The following BCL7A variants were observed in gnomAD, a reference collection of about 807,000 sequenced individuals.
The protein encoded by BCL7A is B-cell CLL/lymphoma 7 protein family member A.
BCL7A carries 11 observed loss-of-function variants against 28.4 expected under a neutral mutation model. That is an observed-to-expected ratio of 0.39 (90% CI 0.24 to 0.64). The LOEUF (loss-of-function observed/expected upper bound fraction) is 0.64. BCL7A is among the 30% of genes least tolerant of loss of function. BCL7A has a pLI of 0.50. For missense variants in BCL7A, 222 were observed against 274.8 expected (o/e 0.81, Z 1.36); for synonymous variants, 123 against 103.3 (o/e 1.19, Z -1.15).
At chr12:122,030,917 A>G in intron 2 of BCL7A, 136 bp downstream of exon 2, 3 of 841,960 alleles carry the variant, frequency 3.6e-6, no homozygotes, top group Middle Eastern at 3.4e-4. Context: ...AAGGACCCAG[A>G]TTAGACCTGG....
intron 4 of BCL7A, among the ~76,000 whole-genome samples, chr12:122,050,975 T>C (rs969636131): frequency 6.6e-6 from 1 of 152,212 alleles, no homozygotes; most frequent in Non-Finnish European, 1.5e-5. Flanking sequence ...AGGACGGACA[T>C]GGGCTTCGTG....
intron 2 of BCL7A, among the ~76,000 whole-genome samples, chr12:122,033,407 G>A (rs1027503568): frequency 2.0e-5 from 3 of 152,018 alleles, no homozygotes; most frequent in East Asian, 1.9e-4. Context: ...TCCACCTCCC[G>A]GGTTCAAGCA....
In BCL7A at chr12:122,060,827, C is replaced by A. The variant is rs1322046968; in HGVS notation, c.*1664C>A. ...TAAGGGATCCTGTCTATTTCCTGCA[C>A]TTCGAGAAGAATCAAAATGTTCCTG... On this transcript the variant is annotated 3_prime_UTR_variant, in exon 6 of 6. Coordinates refer to ENST00000261822, the MANE Select transcript of BCL7A (RefSeq NM_001024808.3). 4.4e-6 allele frequency: 1 copy of A among 225,388 alleles called. No homozygotes were observed. The highest frequency in any genetic ancestry group is 8.8e-6 in the Non-Finnish European group (1 of 114,226). 14.0% of individuals were successfully genotyped at this position (225,388 alleles called of 1,614,324 possible).
chr12:122,035,761 A>G (rs1226526866), intron 3 of BCL7A, among the ~76,000 whole-genome samples: 2 of 152,328 alleles, frequency 1.3e-5, no homozygotes, highest in East Asian at 3.8e-4. Flanking sequence ...TCGCCCCCTC[A>G]TATAAATTAT....
At chr12:122,025,162 A>T (rs184825490) in intron 1 of BCL7A, among the ~76,000 whole-genome samples, 2 of 152,240 alleles carry the variant, frequency 1.3e-5, no homozygotes, top group African/African-American at 4.8e-5. Flanking sequence ...GGAGGAGAGA[A>T]GACCCCAGGG....
intron 3 of BCL7A, among the ~76,000 whole-genome samples, chr12:122,042,819 T>C (rs1459650272): frequency 6.6e-6 from 1 of 152,156 alleles, no homozygotes; most frequent in East Asian, 1.9e-4. Flanking sequence ...CACTGTCCCA[T>C]GATCACTTCT....
chr12:122,022,593 G>C (rs1593019370), intron 1 of BCL7A, among the ~76,000 whole-genome samples: 3 of 145,770 alleles, frequency 2.1e-5, no homozygotes, highest in East Asian at 4.0e-4. Context: ...TGCCGGCGGC[G>C]GCGGGGAGAG....
At chr12:122,023,800 G>C (rs540939719) in intron 1 of BCL7A, among the ~76,000 whole-genome samples, 2 of 152,282 alleles carry the variant, frequency 1.3e-5, no homozygotes, top group South Asian at 2.1e-4. Flanking sequence ...CTCTACTGTG[G>C]GATTCCCCGC....
chr12:122,035,490 C>A (rs933682168), intron 3 of BCL7A, 63 bp downstream of exon 3: 2 of 1,456,168 alleles, frequency 1.4e-6, no homozygotes, highest in South Asian at 2.3e-5. Context: ...AGCACTCGGT[C>A]ATGTTTTTGT....
At position 122,021,920 on chromosome 12, in the gene BCL7A, G is replaced by GTGTA; in HGVS notation, c.-169_-168insATGT. On this transcript the variant is annotated 5_prime_UTR_variant, in exon 1 of 6. It adds an upstream start codon to the 5' untranslated region. Coordinates refer to ENST00000261822, the MANE Select transcript of BCL7A (RefSeq NM_001024808.3). The stretch of plus-strand genomic sequence containing the variant: ...GGCGCGCGGCGGCCCCGGGCTTTGT[G>GTGTA]TGTGTGTGTATGTGTGTGTGTGTGT... The GTGTA allele has an allele frequency of 2.5e-6, 1 of 407,544 alleles. No homozygotes were observed. Among genetic ancestry groups the GTGTA allele is most frequent in the Non-Finnish European group, 4.4e-6 (1 of 229,306 alleles). 25.2% of individuals were successfully genotyped at this position (407,544 alleles called of 1,614,324 possible). A position where few individuals can be genotyped will look rare whatever the true frequency, so the allele number is the denominator to read the frequency against.
intron 3 of BCL7A, among the ~76,000 whole-genome samples, chr12:122,036,628 T>C (rs1883861818): frequency 6.8e-6 from 1 of 147,476 alleles, no homozygotes; most frequent in Non-Finnish European, 1.5e-5. Context: ...CGTTCCGAGC[T>C]AGTCCCCAGT....
chr12:122,024,572 C>G (rs997943229), intron 1 of BCL7A, among the ~76,000 whole-genome samples: 6 of 150,462 alleles, frequency 4.0e-5, no homozygotes, highest in African/African-American at 1.2e-4. Flanking sequence ...CGGATTGGGT[C>G]TTAGACTCAG....
intron 2 of BCL7A, among the ~76,000 whole-genome samples, chr12:122,034,422 T>C (rs1883808341): frequency 1.1e-5 from 1 of 94,394 alleles, no homozygotes; most frequent in Non-Finnish European, 2.5e-5. Flanking sequence ...ATGATTCCTT[T>C]CGTAAAAAAA....
rs2135866021 is a variant in BCL7A at position 122,061,295 on chromosome 12, A to G, written c.*2132A>G. ...CTGCCGTTGACCGCAGCCTCTCTGG[A>G]CAGGCAAGGGGAGTTGGCGCAGGTG... On this transcript the variant is annotated 3_prime_UTR_variant, in exon 6 of 6. Coordinates refer to ENST00000261822, the MANE Select transcript of BCL7A (RefSeq NM_001024808.3). The G allele has an allele frequency of 4.3e-6, 1 of 231,426 alleles. No homozygotes were observed. Among genetic ancestry groups the G allele is most frequent in the African/African-American group, 2.2e-5 (1 of 45,336 alleles). The allele number at this position is 231,426 out of a possible 1,614,324, so 14.3% of individuals were successfully genotyped here.
intron 4 of BCL7A, among the ~76,000 whole-genome samples, chr12:122,050,308 G>A (rs948751877): frequency 2.0e-5 from 3 of 151,408 alleles, no homozygotes; most frequent in African/African-American, 4.9e-5. Flanking sequence ...TGGGGGGGGG[G>A]CCATCCTGTG....
chr12:122,049,033 A>ATATATATATATAT (rs1410918154), intron 4 of BCL7A, among the ~76,000 whole-genome samples: 1 of 58,658 alleles, frequency 1.7e-5, no homozygotes, highest in African/African-American at 6.9e-5. Context: ...AAAAAAAAAA[A>ATATATATATATAT]AAATATATAT....
At chr12:122,045,125 A>G (rs1884045737) in intron 4 of BCL7A, among the ~76,000 whole-genome samples, 2 of 152,260 alleles carry the variant, frequency 1.3e-5, no homozygotes, top group Admixed American at 1.3e-4. Context: ...TCACGCCTGT[A>G]ATCCCAGCAC....
intron 1 of BCL7A, among the ~76,000 whole-genome samples, chr12:122,027,888 C>G (rs2135839975): frequency 6.6e-6 from 1 of 152,234 alleles, no homozygotes; most frequent in African/African-American, 2.4e-5. Context: ...TAGCTTAATA[C>G]CCTCATTGGG....
rs375961060 is a variant in BCL7A, at chr12:122,043,888, G to A, written c.274G>A (p.Asp92Asn). ...GGTTCTGTTCCCACCCCCTACAGACGATAACAGCAACCAGAGCTCCATCGC... is the reference window on the plus strand; with the variant it reads ...GGTTCTGTTCCCACCCCCTACAGACAATAACAGCAACCAGAGCTCCATCGC... ...SSPGMMDMHD[D>N]NSNQSSIADA... Residue 92 changes from aspartate (D) to asparagine (N), a missense_variant and splice_region_variant, in exon 4 of 6, where the codon GAT becomes AAT. Asp to Asn is a conservative substitution (Grantham distance 23). Transcript: ENST00000261822. 2 of 1,612,646 alleles carry A rather than the reference G, an allele frequency of 1.2e-6. No homozygotes were observed. The highest frequency in any genetic ancestry group is 1.7e-6 in the Non-Finnish European group (2 of 1,179,518).
Sources: allele counts gnomAD v4.1 joint callset (sites outside exome capture counted in the v4.1 genomes callset), GRCh38; gene constraint gnomAD v4.1.1; transcripts MANE v1.5; gene names NCBI Gene and HGNC (gene_info 2026-07-23, HGNC 2026-07-21).